The following EML6 variants were observed in gnomAD, a reference collection of about 807,000 sequenced individuals.
The protein encoded by EML6 is EMAP like 6.
In EML6, 154 loss-of-function variants were observed where a neutral mutation model predicts 240.1. That is an observed-to-expected ratio of 0.64 (90% CI 0.56 to 0.73). The LOEUF (loss-of-function observed/expected upper bound fraction) is 0.73. Ranked by LOEUF, EML6 falls within the 30% of genes least tolerant of loss-of-function variation. EML6 has a pLI of 0.00. For synonymous variants in EML6, 1,148 were observed against 899.0 expected (o/e 1.28, Z -4.95); for missense variants, 2,964 against 2,474.6 (o/e 1.20, Z -4.20).
rs1188142803 is a variant in EML6 at position 54,964,528 on chromosome 2, A to C, written c.5331-43A>C. On this transcript the variant is annotated intron_variant, in intron 37 of 41. Coordinates refer to ENST00000356458, the MANE Select transcript of EML6 (RefSeq NM_001039753.4). ...AGCCTTCGTGCCTGACCAGCCCCAA[A>C]CAGCCCTCCTCATGGACTCTGCTCT... 7.8e-6 allele frequency: 12 copies of C among 1,544,166 alleles called. No individual in the cohort carries two copies. In the South Asian group the frequency reaches 1.4e-4, roughly 19 times the overall value.
chr2:54,822,284 T>TAG (rs1162679483), intron 5 of EML6, among the ~76,000 whole-genome samples: 2 of 152,164 alleles, frequency 1.3e-5, no homozygotes, highest in African/African-American at 4.8e-5. Context: ...ACCTTGCTGG[T>TAG]AGAGAGGGGT....
intron 2 of EML6, among the ~76,000 whole-genome samples, chr2:54,794,090 C>T (rs1016234457): frequency 6.6e-6 from 1 of 152,040 alleles, no homozygotes; most frequent in South Asian, 2.1e-4. Context: ...CATATATTAT[C>T]TCAAATAAAT....
chr2:54,768,308 A>G (rs761938167), intron 2 of EML6, among the ~76,000 whole-genome samples: 12 of 152,144 alleles, frequency 7.9e-5, no homozygotes, highest in Non-Finnish European at 1.6e-4. Context: ...AATCAAACTG[A>G]CTTTGCAATG....
chr2:54,903,344 A>C, intron 23 of EML6, 27 bp from the exon 24 acceptor site: 1 of 1,548,972 alleles, frequency 6.5e-7, no homozygotes, highest in Non-Finnish European at 8.7e-7. Flanking sequence ...AAATGCTTCG[A>C]TGTTAACCCC....
chr2:54,920,805 A>G (rs530916086), intron 26 of EML6, among the ~76,000 whole-genome samples: 21 of 152,138 alleles, frequency 1.4e-4, no homozygotes, highest in Non-Finnish European at 2.8e-4. Context: ...AAAAGATCAT[A>G]CACCATGATC....
At chr2:54,808,256 C>T (rs1670601234) in intron 2 of EML6, among the ~76,000 whole-genome samples, 2 of 152,202 alleles carry the variant, frequency 1.3e-5, no homozygotes, top group Admixed American at 1.3e-4. Flanking sequence ...GGAACACAGC[C>T]ATCCCCATCT....
chr2:54,882,725 G>GC (rs1264184623), intron 17 of EML6: 8 of 151,468 alleles, frequency 5.3e-5, no homozygotes, highest in Admixed American at 5.3e-4. Flanking sequence ...AGGCCTGGTG[G>GC]CGGGCGCCTG....
chr2:54,727,458 G>C (rs1281024969), intron 2 of EML6, among the ~76,000 whole-genome samples: 1 of 152,192 alleles, frequency 6.6e-6, no homozygotes, highest in Non-Finnish European at 1.5e-5. Context: ...CTGTTCTTTT[G>C]CTTTGTCTTA....
intron 2 of EML6, among the ~76,000 whole-genome samples, chr2:54,784,569 A>G (rs1056591088): frequency 1.3e-5 from 2 of 152,224 alleles, no homozygotes. Flanking sequence ...TGAAAATCCA[A>G]GTAGAACTTT....
chr2:54,821,032 A>C (rs1428868728), intron 5 of EML6, among the ~76,000 whole-genome samples: 1 of 152,168 alleles, frequency 6.6e-6, no homozygotes, highest in Non-Finnish European at 1.5e-5. Flanking sequence ...CTGCATCAAC[A>C]TGCTTTGCTC....
rs563064134 is a variant in EML6, at chr2:54,801,614, T to A, written c.198-11618T>A. ...CCCCATGAAACCATTTCTGTTGAAC[T>A]AAAATACAAAGGAAAATCGGTGACC... On this transcript the variant is annotated intron_variant, in intron 2 of 41. Transcript: ENST00000356458. 8.2e-4 allele frequency among the ~76,000 whole-genome samples: 125 copies of A among 152,354 alleles called. 1 individual carries two copies. The highest frequency in any genetic ancestry group is 2.7e-3 in the African/African-American group (113 of 41,584).
Position 54,928,512 on chromosome 2 carries a change from G to A in EML6, c.3875G>A (p.Gly1292Glu). 2.6e-6 allele frequency: 4 copies of A among 1,544,668 alleles called. No individual in the cohort carries two copies. The highest frequency in any genetic ancestry group is 3.5e-6 in the Non-Finnish European group (4 of 1,142,462). The change falls in exon 27 of 42, where the codon GGA becomes GAA. Residue 1292 changes from glycine (G) to glutamate (E), a missense_variant and splice_region_variant. Coordinates refer to ENST00000356458, the MANE Select transcript of EML6 (RefSeq NM_001039753.4). ...TCAGACACCGACGTGGAAGAGGATG[G>A]AGGTGAGCCCCCCACCTGCCACATG... is the stretch of plus-strand genomic sequence containing the variant. Reference protein sequence around the residue: ...EESDTDVEEDGGYDSDVAREK... With the variant: ...EESDTDVEEDEGYDSDVAREK...
rs1212924629 is a variant in EML6, at chr2:54,922,085, A to G, written c.3675+5150A>G. 2.6e-5 allele frequency among the ~76,000 whole-genome samples: 4 copies of G among 152,364 alleles called. No homozygotes were observed. The South Asian group carries it at 8.3e-4, about 32-fold the overall frequency. On this transcript the variant is annotated intron_variant, in intron 26 of 41. Transcript: ENST00000356458. ...CAAGTGAGACAACATCAAACTAAAA[A>G]GCTTTGCATGGCAAATGAAACAATC...
At chr2:54,916,047 G>C (rs1437080728) in intron 25 of EML6, among the ~76,000 whole-genome samples, 1 of 152,176 alleles carries the variant, frequency 6.6e-6, no homozygotes, top group Non-Finnish European at 1.5e-5. Flanking sequence ...AGACAAAACA[G>C]TTTTAAAGGA....
intron 2 of EML6, among the ~76,000 whole-genome samples, chr2:54,761,555 A>T (rs1018998726): frequency 2.0e-5 from 3 of 152,188 alleles, no homozygotes; most frequent in Admixed American, 6.5e-5. Context: ...AAAAGTGGAC[A>T]TTTATGAATC....
intron 2 of EML6, among the ~76,000 whole-genome samples, chr2:54,759,667 A>G (rs1667890313): frequency 6.6e-6 from 1 of 152,092 alleles, no homozygotes; most frequent in Admixed American, 6.5e-5. Context: ...ATTTAAATCT[A>G]AAGAAAAGTT....
chr2:54,847,426 G>A, intron 8 of EML6, 60 bp from the exon 9 acceptor site: 2 of 1,527,754 alleles, frequency 1.3e-6, no homozygotes, highest in Non-Finnish European at 8.8e-7. Context: ...CTTGCCTTGG[G>A]CTGGCCGATG....
chr2:54,747,002 C>G (rs1683944201), intron 2 of EML6: 1 of 152,198 alleles, frequency 6.6e-6, no homozygotes, highest in Non-Finnish European at 1.5e-5. Context: ...GTATGCACTT[C>G]AAAGAGACTG....
At chr2:54,937,709 A>G (rs969862475) in intron 28 of EML6, among the ~76,000 whole-genome samples, 3 of 152,096 alleles carry the variant, frequency 2.0e-5, no homozygotes, top group African/African-American at 7.2e-5. Context: ...GATTTGTTAG[A>G]TTTTATCCAG....
Sources: gnomAD v4.1 joint callset for allele counts (sites outside exome capture counted in the v4.1 genomes callset) on GRCh38, gnomAD v4.1.1 for gene constraint, MANE v1.5 for transcripts, NCBI Gene and HGNC (gene_info 2026-07-23, HGNC 2026-07-21) for gene names.